TLE1: variants seen among roughly 807,000 people sequenced by gnomAD.
TLE1 encodes the protein TLE family member 1, transcriptional corepressor.
Under a neutral mutation model 89.8 loss-of-function variants are expected in TLE1, and 21 were observed. The ratio of observed to expected loss-of-function variants is 0.23; its 90% confidence interval spans 0.17 to 0.34. The LOEUF (loss-of-function observed/expected upper bound fraction) is 0.34, where lower values mean the gene tolerates loss of function less well. Ranked by LOEUF, TLE1 falls within the 10% of genes least tolerant of loss-of-function variation. The pLI is 1.00. For synonymous variants in TLE1, 447 were observed against 407.6 expected, an observed-to-expected ratio of 1.10 and a Z score of -1.16; for missense variants, 795 against 1,031.2, an observed-to-expected ratio of 0.77 and a Z score of 3.14.
At chr9:81,677,242 C>A (rs1833007452) in intron 4 of TLE1, among the ~76,000 whole-genome samples, 2 of 129,496 alleles carry the variant, frequency 1.5e-5, no homozygotes, top group Admixed American at 1.5e-4. Context: ...GTCTTCCCCC[C>A]CCCAAAAAAA....
intron 6 of TLE1, among the ~76,000 whole-genome samples, chr9:81,641,254 G>A (rs918595250): frequency 2.6e-5 from 4 of 151,946 alleles, no homozygotes; most frequent in South Asian, 2.1e-4. Context: ...GGTATGCTAC[G>A]TAAACACGTG....
chr9:81,616,576 A>G, intron 10 of TLE1, 70 bp downstream of exon 10: 1 of 1,554,466 alleles, frequency 6.4e-7, no homozygotes, highest in Non-Finnish European at 8.9e-7. Context: ...TCCTTCATTC[A>G]CTGTTAGTTT....
intron 11 of TLE1, among the ~76,000 whole-genome samples, chr9:81,615,621 G>A (rs1295966769): frequency 6.6e-6 from 1 of 150,798 alleles, no homozygotes; most frequent in East Asian, 2.0e-4. Context: ...GCAGAGGCAG[G>A]AGAATCGCTT....
At chr9:81,659,909 T>A (rs529676572) in intron 4 of TLE1, among the ~76,000 whole-genome samples, 1 of 152,170 alleles carries the variant, frequency 6.6e-6, no homozygotes, top group Admixed American at 6.6e-5. Context: ...ATCTTCCCAA[T>A]CCCTCAAGGC....
At chr9:81,631,692 G>C (rs1024699097) in intron 8 of TLE1, among the ~76,000 whole-genome samples, 2 of 152,220 alleles carry the variant, frequency 1.3e-5, no homozygotes, top group African/African-American at 4.8e-5. Context: ...GCTAGAATAA[G>C]TTCAATAGAT....
chr9:81,594,293 A>C (rs1430627303), intron 14 of TLE1, among the ~76,000 whole-genome samples: 3 of 152,188 alleles, frequency 2.0e-5, no homozygotes, highest in Non-Finnish European at 4.4e-5. Flanking sequence ...ATGCCCATCA[A>C]TGACAGAATG....
chr9:81,599,103 G>A (rs1830581833), intron 14 of TLE1, among the ~76,000 whole-genome samples: 1 of 152,186 alleles, frequency 6.6e-6, no homozygotes, highest in Admixed American at 6.5e-5. Context: ...GTGAAGTAAT[G>A]AAGCCACATG....
At chr9:81,605,045 G>A (rs1343328154) in intron 14 of TLE1, among the ~76,000 whole-genome samples, 1 of 152,210 alleles carries the variant, frequency 6.6e-6, no homozygotes, top group Admixed American at 6.5e-5. Flanking sequence ...CTTTCCTGGA[G>A]CATGCCTGGC....
chr9:81,679,173 A>G (rs1350989427), intron 4 of TLE1, among the ~76,000 whole-genome samples: 1 of 152,202 alleles, frequency 6.6e-6, no homozygotes, highest in East Asian at 1.9e-4. Context: ...ATGTTAAATA[A>G]TGAAACATGT....
At chr9:81,592,973 A>G in intron 15 of TLE1, 52 bp downstream of exon 15, 1 of 1,580,798 alleles carries the variant, frequency 6.3e-7, no homozygotes, top group Non-Finnish European at 8.6e-7. Flanking sequence ...CTATTTCCTT[A>G]TTGAATCTCC....
At chr9:81,605,919 A>C (rs1831593817) in intron 14 of TLE1, among the ~76,000 whole-genome samples, 1 of 152,152 alleles carries the variant, frequency 6.6e-6, no homozygotes, top group Non-Finnish European at 1.5e-5. Flanking sequence ...AACTTAAACA[A>C]ATTTACAAGA....
intron 12 of TLE1, chr9:81,612,233 A>G: frequency 1.1e-6 from 1 of 945,140 alleles, no homozygotes; most frequent in Non-Finnish European, 1.4e-6. Context: ...AGGGGAATTA[A>G]GAGTATTCCC....
intron 8 of TLE1, among the ~76,000 whole-genome samples, chr9:81,625,911 T>TAAAAAAAAAAAAAAA (rs35467275): frequency 6.8e-5 from 6 of 87,830 alleles, no homozygotes; most frequent in Admixed American, 2.4e-4. Flanking sequence ...CAGAAACTAC[T>TAAAAAAAAAAAAAAA]AAAAAAAAAA....
intron 15 of TLE1, among the ~76,000 whole-genome samples, chr9:81,592,274 C>T (rs139267143): frequency 0.016 from 2,496 of 152,288 alleles, 63 homozygotes; most frequent in African/African-American, 0.056. Flanking sequence ...AGGAGAACGG[C>T]GTAAACCCCG....
At chr9:81,624,095 AC>A (rs1825627093) in intron 8 of TLE1, among the ~76,000 whole-genome samples, 1 of 152,058 alleles carries the variant, frequency 6.6e-6, no homozygotes, top group Admixed American at 6.6e-5. Flanking sequence ...GTACCCAAAA[AC>A]TTACTTAAAA....
intron 8 of TLE1, among the ~76,000 whole-genome samples, chr9:81,629,978 T>G (rs900150948): frequency 3.9e-5 from 6 of 152,296 alleles, no homozygotes; most frequent in Middle Eastern, 3.4e-3. Flanking sequence ...AACTAGCAAA[T>G]TAATTTCTGC....
chr9:81,651,180 T>C (rs1829482780), intron 6 of TLE1, among the ~76,000 whole-genome samples: 1 of 152,206 alleles, frequency 6.6e-6, no homozygotes, highest in Non-Finnish European at 1.5e-5. Context: ...CAGGGCATCA[T>C]CTCACAAGCA....
At chr9:81,646,417 G>C (rs567717720) in intron 6 of TLE1, among the ~76,000 whole-genome samples, 1 of 152,308 alleles carries the variant, frequency 6.6e-6, no homozygotes, top group Non-Finnish European at 1.5e-5. Context: ...CAAGTTAGTA[G>C]AGCTAGAAGA....
chr9:81,684,594 A>G (rs1834026854), intron 4 of TLE1, among the ~76,000 whole-genome samples: 1 of 152,242 alleles, frequency 6.6e-6, no homozygotes, highest in Non-Finnish European at 1.5e-5. Context: ...TGAACTAATC[A>G]ATTTCTCCAC....
Sources: gnomAD v4.1 joint callset for allele counts (sites outside exome capture counted in the v4.1 genomes callset) on GRCh38, gnomAD v4.1.1 for gene constraint, MANE v1.5 for transcripts, NCBI Gene and HGNC (gene_info 2026-07-23, HGNC 2026-07-21) for gene names.